Variants in FSCN2 observed in about 807,000 individuals in gnomAD.
The protein encoded by FSCN2 is fascin-2.
A neutral mutation model predicts 37.8 loss-of-function variants in FSCN2; 46 were observed. The ratio of observed to expected loss-of-function variants is 1.22; its 90% CI spans 0.96 to 1.56. The LOEUF (loss-of-function observed/expected upper bound fraction) is 1.56, where lower values mean the gene tolerates loss of function less well. Ranked by LOEUF, FSCN2 falls within the 40% of genes most tolerant of loss-of-function variation. FSCN2 has a pLI of 0.00. For synonymous variants in FSCN2, 351 were observed against 309.4 expected (o/e 1.13, Z -1.41); for missense variants, 844 against 730.4 (o/e 1.16, Z -1.79).
In FSCN2 at chr17:81,529,151, G is replaced by A. The variant is rs1442632941; in HGVS notation, c.620G>A (p.Arg207His). Residue 207 changes from arginine (R) to histidine (H), a missense_variant, in exon 1 of 5, where the codon CGT becomes CAT. Coordinates refer to ENST00000417245, the MANE Select transcript of FSCN2 (RefSeq NM_012418.4). ...CGTCTGGTCTGGGAGCCTGAGCCCC[G>A]TGCCTGCTACACGCTGGAGTTCAAG... ...DGRLVWEPEP[R>H]ACYTLEFKAG... is the part of the protein sequence containing the mutation. The A allele has an allele frequency of 1.3e-5, 20 of 1,585,658 alleles. No individual in the cohort carries two copies. The highest frequency in any genetic ancestry group is 2.3e-5 in the East Asian group (1 of 43,312).
At chr17:81,528,356 C>T (rs901113877), upstream of FSCN2, 48 of 596,902 alleles carry the variant, frequency 8.0e-5, no homozygotes, top group Middle Eastern at 1.3e-3. Context: ...CTAAGAGCTG[C>T]CCAGGCTGCT....
At chr17:81,530,049 A>T (rs2032498823) in intron 1 of FSCN2, 1 of 257,360 alleles carries the variant, frequency 3.9e-6, no homozygotes, top group Non-Finnish European at 7.8e-6. Context: ...TGACCTTGTG[A>T]TCTGTCCACC....
intron 1 of FSCN2, chr17:81,529,692 GC>G (rs1159499824): frequency 1.7e-6 from 1 of 571,552 alleles, no homozygotes; most frequent in Non-Finnish European, 3.3e-6. Flanking sequence ...GATGGGCAGT[GC>G]CCAGCAGGGG....
At position 81,528,402 on chromosome 17, in the gene FSCN2, G is replaced by T. The variant is rs956013924; in HGVS notation, c.-130G>T. On this transcript the variant is annotated 5_prime_UTR_variant, in exon 1 of 5. Coordinates refer to ENST00000417245, the MANE Select transcript of FSCN2 (RefSeq NM_012418.4). ...AGAGGCGGGTCAGAGCAGGCAGGGG[G>T]TTCGTGACGCCGGCTGGGTCTGGGG... is the stretch of plus-strand genomic sequence containing the variant. 18 of 686,540 alleles carry T rather than the reference G, an allele frequency of 2.6e-5. No individual in the cohort carries two copies. Among genetic ancestry groups the T allele is most frequent in the Middle Eastern group, 4.1e-4 (1 of 2,462 alleles). 42.5% of individuals were successfully genotyped at this position (686,540 alleles called of 1,614,324 possible).
chr17:81,528,132 G>A (rs1336831713), upstream of FSCN2, among the ~76,000 whole-genome samples: 2 of 152,192 alleles, frequency 1.3e-5, no homozygotes, highest in Non-Finnish European at 2.9e-5. Flanking sequence ...GCCAAAAGGT[G>A]CAGGGCCGTG....
In FSCN2 at chr17:81,536,888, G is replaced by C; in HGVS notation, c.1287G>C (p.Gly429=). 1 of 1,578,604 alleles carries C rather than the reference G, an allele frequency of 6.3e-7. No individual in the cohort carries two copies. ...GAYRIRGRDG[G]FWYTGSHGSV... is the part of the protein sequence containing the mutation. ...CCCGTCCCCCAGGCCGCGACGGAGG[G>C]TTCTGGTACACGGGCAGCCACGGCA... The change falls in exon 5 of 5, where the codon GGG becomes GGC. Residue 429 remains glycine, a synonymous_variant. Coordinates refer to ENST00000417245, the MANE Select transcript of FSCN2 (RefSeq NM_012418.4).
intron 1 of FSCN2, 179 bp downstream of exon 1, chr17:81,529,536 G>A (rs376208187): frequency 2.6e-6 from 2 of 771,356 alleles, no homozygotes; most frequent in Non-Finnish European, 4.7e-6. Context: ...GTGGGCCTCG[G>A]GCCATGCCCA....
rs200400468 is a variant in FSCN2 at position 81,531,327 on chromosome 17, G to A, written c.826+1970G>A. On this transcript the variant is annotated intron_variant, in intron 1 of 4. Transcript: ENST00000417245. ...GATGGTGGTGGTGGTGATGATGGTGGTGGTGGTGATGGTGGTGGTGATGAT... is the reference window on the plus strand; with the variant it reads ...GATGGTGGTGGTGGTGATGATGGTGATGGTGGTGATGGTGGTGGTGATGAT... Among the ~76,000 whole-genome samples, 381 of 103,536 alleles carry A rather than the reference G, an allele frequency of 3.7e-3. 11 individuals carry two copies. Among genetic ancestry groups the A allele is most frequent in the South Asian group, 0.026 (71 of 2,762 alleles). The allele number at this position is 103,536 out of a possible 152,430, so 67.9% of individuals were successfully genotyped here.
rs1054961153 is a variant in FSCN2 at position 81,537,088 on chromosome 17, C to T, written c.*8C>T. ...GCGCTTTGGGAGTACTGAGGCCGCG[C>T]CCAGACCAGCCTGTCGCGCATTAAA... On this transcript the variant is annotated 3_prime_UTR_variant, in exon 5 of 5. Coordinates refer to ENST00000417245, the MANE Select transcript of FSCN2 (RefSeq NM_012418.4). 1.4e-6 allele frequency: 2 copies of T among 1,417,438 alleles called. No individual in the cohort carries two copies. The highest frequency in any genetic ancestry group is 1.5e-5 in the African/African-American group (1 of 66,122). The allele number at this position is 1,417,438 out of a possible 1,614,324, so 87.8% of individuals were successfully genotyped here.
the FSCN2 span, among the ~76,000 whole-genome samples, chr17:81,517,149 C>A: frequency 1.3e-5 from 2 of 151,936 alleles, no homozygotes; most frequent in Admixed American, 1.3e-4. Context: ...CTCAACCCCA[C>A]TCCCCTGCCC....
At chr17:81,519,486 G>T in the FSCN2 span, among the ~76,000 whole-genome samples, 1 of 152,178 alleles carries the variant, frequency 6.6e-6, no homozygotes, top group African/African-American at 2.4e-5. Flanking sequence ...AGAAGGCCGG[G>T]AATGGCGGGC....
chr17:81,532,534 T>TGAG, intron 1 of FSCN2, among the ~76,000 whole-genome samples: 1 of 135,524 alleles, frequency 7.4e-6, no homozygotes, highest in East Asian at 2.2e-4. Flanking sequence ...ATGATGATGA[T>TGAG]AGTGATGGTG....
intron 2 of FSCN2, among the ~76,000 whole-genome samples, chr17:81,535,605 A>C (rs1450548814): frequency 5.0e-5 from 6 of 119,880 alleles, no homozygotes; most frequent in African/African-American, 6.3e-5. Context: ...CATGCCCATC[A>C]CCATCATCAC....
intron 2 of FSCN2, 121 bp downstream of exon 2, chr17:81,535,329 CCCATCCCCATGACCA>C (rs1377568476): frequency 1.6e-4 from 90 of 565,022 alleles, no homozygotes; most frequent in Middle Eastern, 8.9e-4. Flanking sequence ...CCCCACCAGC[CCCATCCCCATGACCA>C]CCATCCCCAT....
the FSCN2 span, among the ~76,000 whole-genome samples, chr17:81,516,109 G>T: frequency 6.6e-6 from 1 of 152,254 alleles, no homozygotes; most frequent in African/African-American, 2.4e-5. Flanking sequence ...CTTCCAAAGT[G>T]CTGGGATTAC....
chr17:81,518,431 G>T, the FSCN2 span, among the ~76,000 whole-genome samples: 1 of 141,208 alleles, frequency 7.1e-6, no homozygotes, highest in African/African-American at 2.5e-5. Context: ...CGTGCAGGAA[G>T]CCCAAGTAGG....
chr17:81,534,923 ATCTTCTCAAG>A lies in FSCN2; in HGVS notation c.827-126_827-117del, dbSNP rs2032799217. 16 of 628,926 alleles carry A rather than the reference ATCTTCTCAAG, an allele frequency of 2.5e-5. No individual in the cohort carries two copies. The South Asian group carries it at 3.6e-4, about 14-fold the overall frequency. The allele number at this position is 628,926 out of a possible 1,614,324, so 39.0% of individuals were successfully genotyped here. On this transcript the variant is annotated intron_variant, in intron 1 of 4. Transcript: ENST00000417245. ...AGGGTCTCTGAGAGGTGCCTTCCAA[ATCTTCTCAAG>A]TCAAGAGGGTTCTAGATGAGACCCA...
the FSCN2 span, among the ~76,000 whole-genome samples, chr17:81,516,342 TTCCCACTG>T: frequency 6.6e-6 from 1 of 152,256 alleles, no homozygotes; most frequent in Non-Finnish European, 1.5e-5. Context: ...TTGGGAAACC[TTCCCACTG>T]TCTTTGCAAC....
At position 81,529,243 on chromosome 17, in the gene FSCN2, C is replaced by G; in HGVS notation, c.712C>G (p.Leu238Val). ...YLAPVGPAGTLKAGRNTRPGK... is the reference protein window; with the variant it reads ...YLAPVGPAGTVKAGRNTRPGK... ...GGCACCCGTGGGGCCCGCAGGCACCCTCAAGGCCGGCCGAAACACGCGACC... is the reference window on the plus strand; with the variant it reads ...GGCACCCGTGGGGCCCGCAGGCACCGTCAAGGCCGGCCGAAACACGCGACC... The change falls in exon 1 of 5, where the codon CTC becomes GTC. Residue 238 changes from leucine (L) to valine (V), a missense_variant. Leu to Val is a conservative substitution (Grantham distance 32). Coordinates refer to ENST00000417245, the MANE Select transcript of FSCN2 (RefSeq NM_012418.4). 4 of 1,597,498 alleles carry G rather than the reference C, an allele frequency of 2.5e-6. No individual in the cohort carries two copies. Among genetic ancestry groups the G allele is most frequent in the Non-Finnish European group, 3.4e-6 (4 of 1,170,388 alleles).
Sources: allele counts gnomAD v4.1 joint callset (sites outside exome capture counted in the v4.1 genomes callset), GRCh38; gene constraint gnomAD v4.1.1; transcripts MANE v1.5; gene names NCBI Gene and HGNC (gene_info 2026-07-23, HGNC 2026-07-21).